The following ZMYM2 variants were observed in gnomAD, a reference collection of about 807,000 sequenced individuals.
The protein encoded by ZMYM2 is zinc finger MYM-type containing 2, also known as zinc finger MYM-type protein 2.
A neutral mutation model predicts 162.8 loss-of-function variants in ZMYM2; 56 were observed. That is an observed-to-expected ratio of 0.34 (90% CI 0.28 to 0.43). ZMYM2 has a LOEUF of 0.43. Ranked by LOEUF, ZMYM2 falls within the 20% of genes least tolerant of loss-of-function variation. The pLI is 1.00. For synonymous variants in ZMYM2, 510 were observed against 541.6 expected, an observed-to-expected ratio of 0.94 and a Z score of 0.81; for missense variants, 1,275 against 1,621.8, an observed-to-expected ratio of 0.79 and a Z score of 3.67.
intron 3 of ZMYM2, among the ~76,000 whole-genome samples, 156 bp from the exon 4 acceptor site, chr13:20,002,694 C>T (rs531033533): frequency 2.0e-5 from 3 of 151,628 alleles, no homozygotes; most frequent in Non-Finnish European, 4.4e-5. Context: ...CATTCTTACT[C>T]CAAAACTTGT....
chr13:19,945,956 A>G, the ZMYM2 span, among the ~76,000 whole-genome samples: 5 of 110,224 alleles, frequency 4.5e-5, no homozygotes, highest in Non-Finnish European at 1.1e-4. Context: ...TCTCAGAAAA[A>G]AAAAAAAAAA....
At chr13:19,974,479 T>A (rs937306922) in intron 2 of ZMYM2, among the ~76,000 whole-genome samples, 3 of 141,144 alleles carry the variant, frequency 2.1e-5, no homozygotes, top group African/African-American at 7.9e-5. Context: ...ATCCTTCTAC[T>A]TTTTTTTTTT....
chr13:19,947,512 G>A, the ZMYM2 span, among the ~76,000 whole-genome samples: 1 of 148,804 alleles, frequency 6.7e-6, no homozygotes, highest in East Asian at 2.0e-4. Flanking sequence ...CCAGGCTGGA[G>A]TGCAATGCAT....
the ZMYM2 span, among the ~76,000 whole-genome samples, chr13:19,944,284 A>G: frequency 6.6e-6 from 1 of 152,338 alleles, no homozygotes; most frequent in African/African-American, 2.4e-5. Context: ...AGTTAATGTG[A>G]AAATAACCTC....
intron 2 of ZMYM2, among the ~76,000 whole-genome samples, chr13:19,983,372 C>T (rs890911862): frequency 2.0e-5 from 3 of 152,112 alleles, no homozygotes; most frequent in African/African-American, 7.2e-5. Flanking sequence ...TCTCAAACTC[C>T]TGACCTCAGA....
chr13:19,884,274 G>A, the ZMYM2 span, among the ~76,000 whole-genome samples: 1 of 152,046 alleles, frequency 6.6e-6, no homozygotes, highest in Non-Finnish European at 1.5e-5. Context: ...GTAGGTTCTC[G>A]GTCTCGCTGA....
At chr13:19,921,058 T>G in the ZMYM2 span, among the ~76,000 whole-genome samples, 1 of 152,096 alleles carries the variant, frequency 6.6e-6, no homozygotes, top group Non-Finnish European at 1.5e-5. Flanking sequence ...CGTGAGCCAC[T>G]GCACTCAGCC....
the ZMYM2 span, among the ~76,000 whole-genome samples, chr13:19,866,915 T>A: frequency 6.6e-6 from 1 of 152,242 alleles, no homozygotes; most frequent in East Asian, 1.9e-4. Context: ...AAAAAAGTTG[T>A]TTATAATAAT....
intron 2 of ZMYM2, among the ~76,000 whole-genome samples, chr13:19,971,262 A>ATATATATATATATATT (rs1329532735): frequency 1.4e-4 from 11 of 78,326 alleles, no homozygotes; most frequent in Admixed American, 1.9e-4. Context: ...ATATATATAT[A>ATATATATATATATATT]TTTTTTTTTT....
chr13:20,059,651 G>T, intron 16 of ZMYM2, 89 bp downstream of exon 16: 4 of 708,620 alleles, frequency 5.6e-6, no homozygotes, highest in South Asian at 1.6e-5. Context: ...AACAACAAGA[G>T]TTTGAACTCC....
the ZMYM2 span, among the ~76,000 whole-genome samples, chr13:19,935,000 C>T: frequency 1.3e-5 from 2 of 151,928 alleles, no homozygotes; most frequent in African/African-American, 2.4e-5. Context: ...CTCCTGATCT[C>T]AAGTGATCTG....
intron 9 of ZMYM2, 70 bp from the exon 10 acceptor site, chr13:20,031,249 T>C (rs1304337014): frequency 1.6e-5 from 17 of 1,064,128 alleles, no homozygotes; most frequent in East Asian, 2.5e-5. Context: ...ATCGTAGATA[T>C]ATGACAGTAA....
intron 10 of ZMYM2, among the ~76,000 whole-genome samples, chr13:20,032,765 C>T (rs889940800): frequency 2.6e-5 from 4 of 151,674 alleles, no homozygotes; most frequent in Non-Finnish European, 5.9e-5. Flanking sequence ...CCTGCCACCA[C>T]GCCTGGCTAA....
chr13:19,962,632 C>T (rs1242781867), intron 2 of ZMYM2, among the ~76,000 whole-genome samples: 3 of 135,780 alleles, frequency 2.2e-5, no homozygotes, highest in Non-Finnish European at 4.6e-5. Context: ...TCAAGTGATT[C>T]TCCTGCCTCA....
chr13:19,877,794 C>T, the ZMYM2 span, among the ~76,000 whole-genome samples: 14 of 152,224 alleles, frequency 9.2e-5, no homozygotes, highest in Middle Eastern at 0.01. Flanking sequence ...CCACTTCTGC[C>T]GATGGACACT....
intron 2 of ZMYM2, among the ~76,000 whole-genome samples, chr13:19,963,225 C>T (rs1955441214): frequency 6.6e-6 from 1 of 152,164 alleles, no homozygotes; most frequent in African/African-American, 2.4e-5. Context: ...TTATGTAGGG[C>T]ATTTCAATTT....
At chr13:19,921,141 T>C in the ZMYM2 span, among the ~76,000 whole-genome samples, 1 of 151,490 alleles carries the variant, frequency 6.6e-6, no homozygotes, top group Non-Finnish European at 1.5e-5. Flanking sequence ...ATTTATTTAT[T>C]TATTTAATTT....
At chr13:19,959,220 G>C (rs1954885350) in intron 1 of ZMYM2, among the ~76,000 whole-genome samples, 1 of 149,568 alleles carries the variant, frequency 6.7e-6, no homozygotes, top group Non-Finnish European at 1.5e-5. Context: ...CCGGCCGCCC[G>C]GGGAGGTCGC....
intron 2 of ZMYM2, among the ~76,000 whole-genome samples, chr13:19,990,678 C>G (rs1008422245): frequency 6.6e-6 from 1 of 152,168 alleles, no homozygotes; most frequent in Non-Finnish European, 1.5e-5. Flanking sequence ...ATCTGTAAAT[C>G]AAAGCAATAC....
Sources: gnomAD v4.1 joint callset for allele counts (sites outside exome capture counted in the v4.1 genomes callset) on GRCh38, gnomAD v4.1.1 for gene constraint, MANE v1.5 for transcripts, NCBI Gene and HGNC (gene_info 2026-07-23, HGNC 2026-07-21) for gene names.